Variants in CNTNAP4 observed in about 807,000 individuals in gnomAD.
CNTNAP4 encodes the protein contactin associated protein family member 4.
A neutral mutation model predicts 148.4 loss-of-function variants in CNTNAP4; 98 were observed. The observed-to-expected ratio is 0.66, with a 90% CI of 0.56 to 0.78. CNTNAP4 has a LOEUF of 0.78. CNTNAP4 is among the 30% of genes least tolerant of loss of function. The probability of loss-of-function intolerance (pLI) is 0.00; values close to 1 mark genes in which losing one functional copy is unlikely to be tolerated. For synonymous variants in CNTNAP4, 730 were observed against 565.1 expected (o/e 1.29, Z -4.14); for missense variants, 1,935 against 1,565.6 (o/e 1.24, Z -3.98).
intron 1 of CNTNAP4, 23 bp from the exon 2 acceptor site, chr16:76,316,390 C>A (rs781464979): frequency 2.6e-6 from 4 of 1,535,374 alleles, no homozygotes; most frequent in South Asian, 2.2e-5. Context: ...CTAACCCTAA[C>A]GTGGCATTGT....
intron 2 of CNTNAP4, among the ~76,000 whole-genome samples, chr16:76,321,586 GA>G (rs1452325786): frequency 1.3e-5 from 2 of 151,886 alleles, no homozygotes; most frequent in Non-Finnish European, 2.9e-5. Context: ...TCAGGAGATC[GA>G]GACCATCCTG....
In CNTNAP4 at chr16:76,452,723, G is replaced by A. The variant is rs374126037; in HGVS notation, c.1287G>A (p.Lys429=). 4 of 1,609,698 alleles carry A rather than the reference G, an allele frequency of 2.5e-6. No homozygotes were observed. The African/African-American group carries it at 4.0e-5, about 16-fold the overall frequency. Residue 429 remains lysine, a synonymous_variant, in exon 8 of 24, where the codon AAG becomes AAA. Coordinates refer to ENST00000611870, the MANE Select transcript of CNTNAP4 (RefSeq NM_033401.5). Reference sequence around the variant, plus strand: ...TCTTTCTGAGTGATGGAAAACTTAAGTCGAATCTCTACCAGCCAGGAAAAT... The same window carrying A: ...TCTTTCTGAGTGATGGAAAACTTAAATCGAATCTCTACCAGCCAGGAAAAT... The part of the protein sequence containing the change: ...ILLFLSDGKL[K]SNLYQPGKLP...
intron 3 of CNTNAP4, among the ~76,000 whole-genome samples, chr16:76,415,183 G>A (rs149866506): frequency 1.7e-3 from 258 of 151,260 alleles, no homozygotes; most frequent in African/African-American, 6.0e-3. Context: ...ACACACAGAT[G>A]AAATATAGAA....
intron 21 of CNTNAP4, among the ~76,000 whole-genome samples, chr16:76,545,964 G>T (rs1018148048): frequency 1.3e-5 from 2 of 152,042 alleles, no homozygotes; most frequent in African/African-American, 4.8e-5. Flanking sequence ...GAACCCGAGA[G>T]GCGGAGGTTG....
intron 3 of CNTNAP4, among the ~76,000 whole-genome samples, chr16:76,394,445 A>G (rs1486936815): frequency 6.6e-6 from 1 of 152,222 alleles, no homozygotes; most frequent in Non-Finnish European, 1.5e-5. Flanking sequence ...ATTTACTGGT[A>G]TTGAATTATA....
At chr16:76,456,630 C>T (rs952963824) in intron 8 of CNTNAP4, among the ~76,000 whole-genome samples, 1 of 152,142 alleles carries the variant, frequency 6.6e-6, no homozygotes, top group African/African-American at 2.4e-5. Flanking sequence ...AACAGAAGAA[C>T]ACCAAAGCCC....
chr16:76,313,412 A>C (rs1023453899), intron 1 of CNTNAP4, among the ~76,000 whole-genome samples: 2 of 152,040 alleles, frequency 1.3e-5, no homozygotes, highest in East Asian at 3.9e-4. Flanking sequence ...TACATAATGC[A>C]CTCTCTTGTG....
intron 12 of CNTNAP4, among the ~76,000 whole-genome samples, chr16:76,483,741 G>A (rs570298635): frequency 1.5e-4 from 23 of 152,268 alleles, no homozygotes; most frequent in African/African-American, 5.5e-4. Flanking sequence ...GCTGAAACAG[G>A]AAAACAATGT....
At chr16:76,424,421 A>G (rs1370399953) in intron 3 of CNTNAP4, among the ~76,000 whole-genome samples, 1 of 152,150 alleles carries the variant, frequency 6.6e-6, no homozygotes, top group African/African-American at 2.4e-5. Flanking sequence ...ATCCTCAACC[A>G]AAGCTGCACA....
intron 2 of CNTNAP4, among the ~76,000 whole-genome samples, chr16:76,324,268 T>C (rs962880734): frequency 1.3e-5 from 2 of 152,232 alleles, no homozygotes; most frequent in Admixed American, 1.3e-4. Flanking sequence ...AATTAAAATA[T>C]ATTCACAAAA....
intron 2 of CNTNAP4, among the ~76,000 whole-genome samples, chr16:76,351,834 C>A (rs558028202): frequency 2.0e-5 from 3 of 152,310 alleles, no homozygotes; most frequent in African/African-American, 7.2e-5. Context: ...CCGATTTTAA[C>A]TCACTAGAAT....
intron 3 of CNTNAP4, among the ~76,000 whole-genome samples, chr16:76,395,763 C>G (rs1000499639): frequency 6.6e-6 from 1 of 151,230 alleles, no homozygotes; most frequent in Non-Finnish European, 1.5e-5. Flanking sequence ...AGGTCTTGCT[C>G]TGTCGCTCAG....
chr16:76,555,990 T>C (rs2085181778), intron 23 of CNTNAP4, among the ~76,000 whole-genome samples: 1 of 152,208 alleles, frequency 6.6e-6, no homozygotes, highest in Non-Finnish European at 1.5e-5. Flanking sequence ...TGTTACACAA[T>C]CTGGTAGAAC....
chr16:76,521,210 A>G lies in CNTNAP4; in HGVS notation c.2436A>G (p.Glu812=), dbSNP rs1477440345. ...SYLHFPTFHG[E]LSADVSFFFK... is the part of the protein sequence containing the mutation. ...TTCATTTTCCTACCTTCCACGGAGA[A>G]CTTAGCGCGGATGTATCTTTCTTTT... is the stretch of plus-strand genomic sequence containing the variant. Residue 812 remains glutamate, a synonymous_variant, in exon 16 of 24, where the codon GAA becomes GAG. Transcript: ENST00000611870. 6.2e-7 allele frequency: 1 copy of G among 1,612,566 alleles called. No homozygotes were observed. Among genetic ancestry groups the G allele is most frequent in the Non-Finnish European group, 8.5e-7 (1 of 1,179,344 alleles).
intron 8 of CNTNAP4, among the ~76,000 whole-genome samples, chr16:76,457,718 G>T (rs1054745905): frequency 1.3e-5 from 2 of 152,152 alleles, no homozygotes; most frequent in African/African-American, 2.4e-5. Flanking sequence ...CTAGAAACTG[G>T]TAAAAAGAGA....
In CNTNAP4 at chr16:76,448,331, G is replaced by C; in HGVS notation, c.742+116G>C. 3 of 699,274 alleles carry C rather than the reference G, an allele frequency of 4.3e-6. No individual in the cohort carries two copies. The South Asian group carries it at 6.1e-5, about 14-fold the overall frequency. 43.3% of individuals were successfully genotyped at this position (699,274 alleles called of 1,614,324 possible). A position where few individuals can be genotyped will look rare whatever the true frequency, so the allele number is the denominator to read the frequency against. Reference sequence around the variant, plus strand: ...AGAGTGCCTTATTTTCAGATTCAAGGGCTTGTACATATGTCAATATTGCTC... The same window carrying C: ...AGAGTGCCTTATTTTCAGATTCAAGCGCTTGTACATATGTCAATATTGCTC... On this transcript the variant is annotated intron_variant, in intron 5 of 23. Coordinates refer to ENST00000611870, the MANE Select transcript of CNTNAP4 (RefSeq NM_033401.5).
intron 2 of CNTNAP4, among the ~76,000 whole-genome samples, chr16:76,342,185 C>A (rs1964520769): frequency 6.6e-6 from 1 of 152,094 alleles, no homozygotes; most frequent in Admixed American, 6.6e-5. Context: ...AATATAATGC[C>A]CCTGGCTGTC....
At chr16:76,445,078 G>A (rs1442550494) in intron 4 of CNTNAP4, among the ~76,000 whole-genome samples, 1 of 152,092 alleles carries the variant, frequency 6.6e-6, no homozygotes, top group Admixed American at 6.6e-5. Flanking sequence ...GACAGTGCTG[G>A]GAAAATGTCT....
intron 7 of CNTNAP4, among the ~76,000 whole-genome samples, chr16:76,450,763 G>A (rs974189510): frequency 6.6e-6 from 1 of 152,146 alleles, no homozygotes; most frequent in African/African-American, 2.4e-5. Flanking sequence ...TGGAAACGGG[G>A]ACAATTTAAA....
Sources: allele counts gnomAD v4.1 joint callset (sites outside exome capture counted in the v4.1 genomes callset), GRCh38; gene constraint gnomAD v4.1.1; transcripts MANE v1.5; gene names NCBI Gene and HGNC (gene_info 2026-07-23, HGNC 2026-07-21).